CCDC171: variants seen among roughly 807,000 people sequenced by gnomAD.
CCDC171 encodes the protein coiled-coil domain-containing protein 171.
A neutral mutation model predicts 168.2 loss-of-function variants in CCDC171; 177 were observed. The ratio of observed to expected loss-of-function variants is 1.05; its 90% confidence interval spans 0.93 to 1.19. The LOEUF is 1.19. Among genes scored for constraint, CCDC171 ranks in the 50% most tolerant of loss-of-function variants. The probability of loss-of-function intolerance (pLI) is 0.00; values close to 1 mark genes in which losing one functional copy is unlikely to be tolerated. For synonymous variants in CCDC171, 687 were observed against 540.8 expected (o/e 1.27, Z -3.75); for missense variants, 1,991 against 1,539.0 (o/e 1.29, Z -4.91).
At chr9:15,826,954 GTTT>G (rs2060038413) in intron 21 of CCDC171, among the ~76,000 whole-genome samples, 1 of 152,180 alleles carries the variant, frequency 6.6e-6, no homozygotes, top group Admixed American at 6.5e-5. Context: ...GAAAAGCTTT[GTTT>G]GATCATTCAC....
intron 1 of CCDC171, among the ~76,000 whole-genome samples, chr9:15,555,369 C>T (rs2038702614): frequency 6.6e-6 from 1 of 152,140 alleles, no homozygotes; most frequent in African/African-American, 2.4e-5. Context: ...TGGTTTTGGT[C>T]CAGAACTGTG....
At chr9:15,754,563 C>T (rs1309441099) in intron 18 of CCDC171, among the ~76,000 whole-genome samples, 4 of 152,080 alleles carry the variant, frequency 2.6e-5, no homozygotes, top group African/African-American at 7.2e-5. Flanking sequence ...TTTCAGGCTA[C>T]TAATTATTAA....
intron 7 of CCDC171, among the ~76,000 whole-genome samples, chr9:15,629,296 G>A (rs1032501256): frequency 4.6e-5 from 7 of 152,134 alleles, no homozygotes; most frequent in Admixed American, 6.5e-5. Flanking sequence ...AAATTTAGAC[G>A]AATGTATAGA....
intron 22 of CCDC171, among the ~76,000 whole-genome samples, chr9:15,847,130 A>C (rs2060932213): frequency 6.6e-6 from 1 of 152,064 alleles, no homozygotes; most frequent in Non-Finnish European, 1.5e-5. Flanking sequence ...ATGTTTTATT[A>C]ATGTGAAATG....
At chr9:15,781,063 CT>C (rs1201621997) in intron 20 of CCDC171, among the ~76,000 whole-genome samples, 1 of 152,158 alleles carries the variant, frequency 6.6e-6, no homozygotes, top group East Asian at 1.9e-4. Flanking sequence ...GTATAGTCAA[CT>C]GTATTTAGAT....
chr9:16,046,796 G>T (rs988747595), intron 1 of CCDC171, among the ~76,000 whole-genome samples: 1 of 152,174 alleles, frequency 6.6e-6, no homozygotes, highest in Non-Finnish European at 1.5e-5. Context: ...CCCCAGCCAC[G>T]TGGAGCTGTG....
At chr9:15,695,085 AG>A (rs1289538184) in intron 10 of CCDC171, 149 bp from the exon 11 acceptor site, 24 of 601,048 alleles carry the variant, frequency 4.0e-5, no homozygotes, top group Non-Finnish European at 7.1e-5. Flanking sequence ...GCCAAGTAAA[AG>A]GTATGATTAA....
chr9:15,709,502 C>G (rs900349047), intron 11 of CCDC171, among the ~76,000 whole-genome samples: 3 of 152,098 alleles, frequency 2.0e-5, no homozygotes, highest in African/African-American at 7.2e-5. Context: ...GATTGTACGT[C>G]TTTCTAAGGC....
chr9:15,655,770 A>G (rs2047879498), intron 7 of CCDC171, among the ~76,000 whole-genome samples: 2 of 152,220 alleles, frequency 1.3e-5, no homozygotes, highest in Admixed American at 1.3e-4. Flanking sequence ...TACTTCTTCA[A>G]AGAAGATACA....
At chr9:15,597,989 A>G (rs2042511510) in intron 6 of CCDC171, among the ~76,000 whole-genome samples, 1 of 151,868 alleles carries the variant, frequency 6.6e-6, no homozygotes, top group Non-Finnish European at 1.5e-5. Flanking sequence ...ATCGGTGGTG[A>G]TATCCCCTTT....
At chr9:15,860,963 A>G (rs200521165) in intron 23 of CCDC171, among the ~76,000 whole-genome samples, 2 of 37,658 alleles carry the variant, frequency 5.3e-5, no homozygotes, top group Non-Finnish European at 1.0e-4. Flanking sequence ...TGTGTGTGTG[A>G]TAATTGTTAA....
At chr9:15,977,143 G>A (rs1564096709), downstream of CCDC171, among the ~76,000 whole-genome samples, 1 of 152,074 alleles carries the variant, frequency 6.6e-6, no homozygotes, top group African/African-American at 2.4e-5. Flanking sequence ...ACACTTTTCT[G>A]GCTGTAGAAT....
intron 25 of CCDC171, among the ~76,000 whole-genome samples, chr9:15,938,255 G>A (rs1397227121): frequency 3.3e-5 from 5 of 151,718 alleles, no homozygotes; most frequent in Admixed American, 6.6e-5. Context: ...CAAAACCCGT[G>A]CTCTAAACTA....
intron 24 of CCDC171, among the ~76,000 whole-genome samples, chr9:15,918,891 A>G (rs537802058): frequency 1.2e-4 from 18 of 151,768 alleles, no homozygotes; most frequent in African/African-American, 4.3e-4. Context: ...TATGGTTTTT[A>G]TCTTTTCTAA....
chr9:15,742,259 G>A (rs1297218109), intron 16 of CCDC171, among the ~76,000 whole-genome samples: 5 of 152,088 alleles, frequency 3.3e-5, no homozygotes, highest in Non-Finnish European at 7.4e-5. Context: ...ACAGTTCCAG[G>A]ATTTTATGGC....
intron 12 of CCDC171, 113 bp from the exon 13 acceptor site, chr9:15,723,568 G>T: frequency 1.5e-6 from 1 of 683,188 alleles, no homozygotes; most frequent in Non-Finnish European, 2.5e-6. Flanking sequence ...TTGTATTTAA[G>T]TAATTGCATA....
intron 23 of CCDC171, among the ~76,000 whole-genome samples, chr9:15,860,961 T>TGTGTGTGTGA: frequency 6.6e-6 from 1 of 151,676 alleles, no homozygotes; most frequent in South Asian, 2.1e-4. Context: ...TGTGTGTGTG[T>TGTGTGTGTGA]GATAATTGTT....
At chr9:15,877,659 A>G (rs930287751) in intron 24 of CCDC171, among the ~76,000 whole-genome samples, 2 of 152,272 alleles carry the variant, frequency 1.3e-5, no homozygotes, top group Admixed American at 6.5e-5. Context: ...ATAGGCTTTC[A>G]TTATAATAGT....
intron 6 of CCDC171, among the ~76,000 whole-genome samples, chr9:16,030,260 G>A (rs1352987399): frequency 6.6e-6 from 1 of 151,998 alleles, no homozygotes; most frequent in Non-Finnish European, 1.5e-5. Context: ...ATCTAGTAGT[G>A]GTAGCAGCAG....
Sources: gnomAD v4.1 joint callset for allele counts (sites outside exome capture counted in the v4.1 genomes callset) on GRCh38, gnomAD v4.1.1 for gene constraint, MANE v1.5 for transcripts, NCBI Gene and HGNC (gene_info 2026-07-23, HGNC 2026-07-21) for gene names.